Variants in GCA observed in about 807,000 individuals in gnomAD.
GCA encodes the protein grancalcin, EF-hand calcium-binding protein.
GCA carries 30 observed loss-of-function variants against 32.6 expected under a neutral mutation model. That is an observed-to-expected ratio of 0.92 (90% CI 0.69 to 1.25). GCA has a LOEUF of 1.25. GCA is among the 50% of genes most tolerant of loss of function. GCA has a pLI of 0.00. For missense variants in GCA, 291 were observed against 266.8 expected (o/e 1.09, Z -0.63); for synonymous variants, 102 against 84.6 (o/e 1.21, Z -1.13).
upstream of GCA, chr2:162,344,040 GCTCCAAAGTGTGGGA>G: frequency 1.6e-6 from 1 of 607,390 alleles, no homozygotes; most frequent in Non-Finnish European, 3.0e-6. Flanking sequence ...AGCTGAGTTG[GCTCCAAAGTGTGGGA>G]CTCAGCCAAT....
intron 1 of GCA, among the ~76,000 whole-genome samples, chr2:162,338,259 CATACACA>C (rs1289279734): frequency 1.3e-5 from 2 of 152,166 alleles, no homozygotes; most frequent in East Asian, 3.8e-4. Context: ...TTATTTTACA[CATACACA>C]AAACACCTGA....
chr2:162,360,229 A>G lies in GCA; in HGVS notation c.640A>G (p.Thr214Ala), dbSNP rs767971090. The change falls in exon 8 of 8, where the codon ACT becomes GCT. Residue 214 changes from threonine (T) to alanine (A), a missense_variant. Physicochemically the swap from Thr to Ala is moderately conservative, Grantham distance 58 (BLOSUM62 0). Coordinates refer to ENST00000437150, the MANE Select transcript of GCA (RefSeq NM_012198.5). ...NFIYDDFLQGTMAI is the reference protein window; with the variant it reads ...NFIYDDFLQGAMAI ...ACTTATGTATTAGTTTTTGCAGGGC[A>G]CTATGGCAATTTGAATGCTTAGAAT... 1.3e-6 allele frequency: 2 copies of G among 1,565,594 alleles called. No individual in the cohort carries two copies. The highest frequency in any genetic ancestry group is 1.7e-6 in the Non-Finnish European group (2 of 1,142,902).
intron 1 of GCA, among the ~76,000 whole-genome samples, chr2:162,338,243 G>A (rs926654307): frequency 6.6e-6 from 1 of 152,090 alleles, no homozygotes; most frequent in Admixed American, 6.6e-5. Flanking sequence ...ATGAAGGGGG[G>A]CACTCTTATT....
At chr2:162,356,930 A>G (rs761720757) in intron 5 of GCA, 25 bp downstream of exon 5, 6 of 1,528,148 alleles carry the variant, frequency 3.9e-6, no homozygotes, top group Non-Finnish European at 5.4e-6. Flanking sequence ...ATTCTTTAGA[A>G]TCTATAAAGC....
intron 1 of GCA, among the ~76,000 whole-genome samples, chr2:162,320,196 G>A (rs908047004): frequency 2.6e-5 from 4 of 152,120 alleles, no homozygotes; most frequent in African/African-American, 9.7e-5. Flanking sequence ...CTTGCAGGTA[G>A]GCCTGATTTA....
chr2:162,373,587 T>C (rs966892268), downstream of GCA: 9 of 1,584,098 alleles, frequency 5.7e-6, no homozygotes, highest in African/African-American at 1.4e-5. Context: ...TACTGTAGGC[T>C]GGGGGGACCA....
At chr2:162,326,748 C>A (rs927311161) in intron 1 of GCA, among the ~76,000 whole-genome samples, 6 of 152,158 alleles carry the variant, frequency 3.9e-5, no homozygotes, top group African/African-American at 1.4e-4. Context: ...AAACTCCTGA[C>A]CTCAGGTGAT....
chr2:162,356,882 T>C lies in GCA; in HGVS notation c.431T>C (p.Leu144Ser), dbSNP rs1305447331. 6.2e-7 allele frequency: 1 copy of C among 1,609,362 alleles called. No homozygotes were observed. Among genetic ancestry groups the C allele is most frequent in the East Asian group, 2.2e-5 (1 of 44,798 alleles). Residue 144 changes from leucine (L) to serine (S), a missense_variant, in exon 5 of 8, where the codon TTG becomes TCG. Transcript: ENST00000437150. ...DGSGTVEHHE[L>S]RQAIGLMGYR... ...AGTGGCACAGTAGAACATCATGAGTTGCGTCAAGCCATTGGTCTTATGGGT... is the reference window on the plus strand; with the variant it reads ...AGTGGCACAGTAGAACATCATGAGTCGCGTCAAGCCATTGGTCTTATGGGT...
At chr2:162,326,026 A>C (rs1683864315) in intron 1 of GCA, among the ~76,000 whole-genome samples, 1 of 152,012 alleles carries the variant, frequency 6.6e-6, no homozygotes, top group Non-Finnish European at 1.5e-5. Flanking sequence ...CTGGATGGGG[A>C]GGTCGGGGTG....
At chr2:162,352,212 T>C (rs1685035772) in intron 2 of GCA, 126 bp from the exon 3 acceptor site, 1 of 601,236 alleles carries the variant, frequency 1.7e-6, no homozygotes, top group Non-Finnish European at 3.0e-6. Context: ...TAGAATTTTG[T>C]AGTTAATTAT....
chr2:162,372,137 G>T (rs368888632), downstream of GCA: 59 of 1,462,758 alleles, frequency 4.0e-5, no homozygotes, highest in Non-Finnish European at 4.9e-5. Flanking sequence ...AATTCACATT[G>T]ATAGATAGTC....
chr2:162,347,091 A>G (rs1266028342), intron 1 of GCA, among the ~76,000 whole-genome samples: 2 of 152,170 alleles, frequency 1.3e-5, no homozygotes, highest in Non-Finnish European at 2.9e-5. Flanking sequence ...TTTTATATTG[A>G]CATATAAAGT....
intron 1 of GCA, among the ~76,000 whole-genome samples, chr2:162,333,752 T>C (rs543253093): frequency 1.4e-4 from 22 of 152,246 alleles, no homozygotes; most frequent in African/African-American, 4.6e-4. Context: ...CTGTGAGTGA[T>C]CCCTGATAGA....
At chr2:162,345,330 A>G (rs1237118378) in intron 1 of GCA, among the ~76,000 whole-genome samples, 1 of 152,196 alleles carries the variant, frequency 6.6e-6, no homozygotes, top group Admixed American at 6.5e-5. Flanking sequence ...TAAGGAAAGT[A>G]AAGCCCCTTC....
In GCA at chr2:162,362,262, C is replaced by A. The variant is rs1685604408; in HGVS notation, c.*2019C>A. 3.0e-5 allele frequency: 30 copies of A among 984,606 alleles called. No homozygotes were observed. Among genetic ancestry groups the A allele is most frequent in the Non-Finnish European group, 3.3e-5 (27 of 829,462 alleles). 61.0% of individuals were successfully genotyped at this position (984,606 alleles called of 1,614,324 possible). A position where few individuals can be genotyped will look rare whatever the true frequency, so the allele number is the denominator to read the frequency against. The stretch of plus-strand genomic sequence containing the variant: ...AACTTTTTGACCACAGAACCCCTTT[C>A]TCTAGCAAAACCTAACATTCTATGC... On this transcript the variant is annotated 3_prime_UTR_variant, in exon 8 of 8. Transcript: ENST00000437150.
chr2:162,371,341 T>C (rs1035910263), exon 5 of GCA: 14 of 1,288,954 alleles, frequency 1.1e-5, no homozygotes, highest in African/African-American at 1.5e-5. Flanking sequence ...TTGAACATCT[T>C]GATACAGAAA....
At chr2:162,348,141 T>G (rs925922391) in intron 2 of GCA, among the ~76,000 whole-genome samples, 1 of 152,210 alleles carries the variant, frequency 6.6e-6, no homozygotes, top group Non-Finnish European at 1.5e-5. Context: ...TTTCCTTCAC[T>G]CTGTTTGACA....
rs547073217 is a variant in GCA at position 162,369,816 on chromosome 2, T to G, written c.366-1490T>G. The stretch of plus-strand genomic sequence containing the variant: ...AATCAGAGTTGGCCATTTATAGGAC[T>G]TTCTCTTCCCTGCTAGGCACCATGG... On this transcript the variant is annotated intron_variant, in intron 4 of 4. Transcript: ENST00000414723. 2.2e-4 allele frequency among the ~76,000 whole-genome samples: 33 copies of G among 152,246 alleles called. No individual in the cohort carries two copies. The South Asian group carries it at 6.6e-3, about 31-fold the overall frequency.
At chr2:162,323,200 T>C (rs1683746583) in intron 1 of GCA, among the ~76,000 whole-genome samples, 1 of 151,934 alleles carries the variant, frequency 6.6e-6, no homozygotes, top group South Asian at 2.1e-4. Context: ...GCTGCATAAA[T>C]GTCTTCTTTT....
Sources: gnomAD v4.1 joint callset for allele counts (sites outside exome capture counted in the v4.1 genomes callset) on GRCh38, gnomAD v4.1.1 for gene constraint, MANE v1.5 for transcripts, NCBI Gene and HGNC (gene_info 2026-07-23, HGNC 2026-07-21) for gene names.